The following BNIP2 variants were observed in gnomAD, a reference collection of about 807,000 sequenced individuals.
The protein encoded by BNIP2 is BCL2 interacting protein 2, also known as BCL2/adenovirus E1B 19 kDa protein-interacting protein 2.
A neutral mutation model predicts 43.4 loss-of-function variants in BNIP2; 36 were observed. That is an observed-to-expected ratio of 0.83 (90% CI 0.64 to 1.10). The LOEUF (loss-of-function observed/expected upper bound fraction) is 1.10, where lower values mean the gene tolerates loss of function less well. BNIP2 is among the 50% of genes least tolerant of loss of function. The pLI, the probability that BNIP2 is intolerant of heterozygous loss-of-function variation, is 0.00. For synonymous variants in BNIP2, 146 were observed against 121.0 expected (o/e 1.21, Z -1.35); for missense variants, 417 against 374.1 (o/e 1.11, Z -0.95).
chr15:59,688,650 T>C (rs1343895966), intron 1 of BNIP2: 14 of 1,479,200 alleles, frequency 9.5e-6, no homozygotes, highest in Middle Eastern at 1.7e-4. Flanking sequence ...CTGTATTTGG[T>C]TTAGCGTACT....
chr15:59,670,093 A>G (rs1053314761), intron 7 of BNIP2, among the ~76,000 whole-genome samples: 1 of 152,220 alleles, frequency 6.6e-6, no homozygotes, highest in Non-Finnish European at 1.5e-5. Context: ...AAACACTTCT[A>G]AAGCTTGTTC....
intron 9 of BNIP2, among the ~76,000 whole-genome samples, chr15:59,667,770 G>A (rs6151571): frequency 0.65 from 99,463 of 152,130 alleles, 32,894 homozygotes; most frequent in African/African-American, 0.74. Context: ...AGAAAATGGT[G>A]AAACAGATAA....
At chr15:59,665,051 G>A (rs1171716256) in intron 9 of BNIP2, among the ~76,000 whole-genome samples, 1 of 151,038 alleles carries the variant, frequency 6.6e-6, no homozygotes, top group Non-Finnish European at 1.5e-5. Context: ...GGATCACGAG[G>A]TCAGGAGTTC....
chr15:59,671,436 G>T (rs1165389948), intron 6 of BNIP2, 122 bp from the exon 7 acceptor site: 28 of 757,166 alleles, frequency 3.7e-5, no homozygotes, highest in Non-Finnish European at 5.5e-5. Flanking sequence ...CAATGAAAAT[G>T]CTCAAACCGC....
chr15:59,671,073 C>A (rs1262008502), intron 7 of BNIP2, 110 bp downstream of exon 7: 229 of 824,854 alleles, frequency 2.8e-4, no homozygotes, highest in African/African-American at 1.3e-3. Flanking sequence ...AACTCCGTCT[C>A]AAAAAAAAAA....
intron 6 of BNIP2, 50 bp downstream of exon 6, chr15:59,672,587 C>CTCGGTGGTCGCCGTATCAT: frequency 7.4e-7 from 1 of 1,348,844 alleles, no homozygotes; most frequent in Non-Finnish European, 1.0e-6. Context: ...AGGTGTAGAT[C>CTCGGTGGTCGCCGTATCAT]TAATTAGCTC....
At chr15:59,687,944 C>T (rs1384045929) in intron 1 of BNIP2, among the ~76,000 whole-genome samples, 4 of 152,198 alleles carry the variant, frequency 2.6e-5, no homozygotes, top group Admixed American at 6.6e-5. Context: ...ACACCGTCTC[C>T]AGTGCACTGG....
intron 9 of BNIP2, chr15:59,667,979 G>T: frequency 1.9e-6 from 1 of 533,252 alleles, no homozygotes; most frequent in Non-Finnish European, 3.0e-6. Context: ...TTTGGAAGTT[G>T]GGGTACATTT....
rs558749883 is a variant in BNIP2, at chr15:59,689,150, G to T, written c.-73C>A. The T allele has an allele frequency of 1.9e-4, 289 of 1,537,458 alleles. 3 individuals carry two copies. The South Asian group carries it at 3.0e-3, about 16-fold the overall frequency. ...CCGCACTCACCCCGGAGGAAGCCTT[G>T]GCCCCCTCGTCCTCTTCGCCCCTCC... On this transcript the variant is annotated 5_prime_UTR_variant, in exon 1 of 10. Transcript: ENST00000607373.
intron 3 of BNIP2, 35 bp downstream of exon 3, chr15:59,680,206 C>T (rs2142012261): frequency 6.9e-7 from 1 of 1,443,684 alleles, no homozygotes; most frequent in East Asian, 2.4e-5. Context: ...ACACAAAGTC[C>T]ATAATTTCAA....
chr15:59,686,963 G>A (rs1435468791), intron 1 of BNIP2, among the ~76,000 whole-genome samples: 1 of 152,212 alleles, frequency 6.6e-6, no homozygotes, highest in Non-Finnish European at 1.5e-5. Context: ...GTTGCAGTGA[G>A]CCGAGATTGC....
intron 8 of BNIP2, 54 bp from the exon 9 acceptor site, chr15:59,669,044 T>A (rs1162064125): frequency 6.4e-6 from 9 of 1,406,388 alleles, no homozygotes; most frequent in East Asian, 2.3e-5. Context: ...ATACAATGGA[T>A]ACAATGTTTA....
intron 2 of BNIP2, 95 bp from the exon 3 acceptor site, chr15:59,680,403 A>G: frequency 1.1e-6 from 1 of 950,554 alleles, no homozygotes; most frequent in Non-Finnish European, 1.5e-6. Flanking sequence ...AGAAATAATT[A>G]TTTGGAAAAT....
chr15:59,666,506 A>C lies in BNIP2; in HGVS notation c.893+2386T>G, dbSNP rs1343411877. Among the ~76,000 whole-genome samples, 6 of 152,222 alleles carry C rather than the reference A, an allele frequency of 3.9e-5. No individual in the cohort carries two copies. In the South Asian group the frequency reaches 1.0e-3, roughly 26 times the overall value. On this transcript the variant is annotated intron_variant, in intron 9 of 9. Transcript: ENST00000607373. ...ACATGGTGAAACCCAGTCTCTACTA[A>C]AAATGCAAAAATTAGCCAGGCATGG...
intron 1 of BNIP2, among the ~76,000 whole-genome samples, chr15:59,686,716 T>C (rs1211060506): frequency 6.6e-6 from 1 of 152,180 alleles, no homozygotes; most frequent in Non-Finnish European, 1.5e-5. Context: ...TGAACTGCTC[T>C]ATCAGAAATG....
intron 4 of BNIP2, chr15:59,678,897 T>A (rs1893479850): frequency 7.8e-7 from 1 of 1,290,088 alleles, no homozygotes; most frequent in Non-Finnish European, 1.0e-6. Context: ...TCAGTATCTT[T>A]ACAAAGTATT....
At chr15:59,676,365 T>A (rs1279104220) in intron 5 of BNIP2, among the ~76,000 whole-genome samples, 8 of 152,026 alleles carry the variant, frequency 5.3e-5, no homozygotes, top group South Asian at 2.1e-4. Context: ...TTATTTTTTT[T>A]ATTTTTTTGT....
chr15:59,676,316 G>A (rs554644171), intron 5 of BNIP2, among the ~76,000 whole-genome samples: 4 of 152,026 alleles, frequency 2.6e-5, no homozygotes, highest in African/African-American at 9.6e-5. Flanking sequence ...TGGGACTACA[G>A]GCATATGCCA....
chr15:59,677,200 G>GATT (rs1293278996), intron 5 of BNIP2: 1 of 1,595,808 alleles, frequency 6.3e-7, no homozygotes, highest in African/African-American at 1.3e-5. Context: ...GAACCACATG[G>GATT]GATATCCCAA....
Sources: allele counts gnomAD v4.1 joint callset (sites outside exome capture counted in the v4.1 genomes callset), GRCh38; gene constraint gnomAD v4.1.1; transcripts MANE v1.5; gene names NCBI Gene and HGNC (gene_info 2026-07-23, HGNC 2026-07-21).